Variants in CSNK2A2IP observed in about 807,000 individuals in gnomAD.
CSNK2A2IP encodes casein kinase II subunit alpha'-interacting protein.
At chr3:88,374,465 A>T in the CSNK2A2IP span, among the ~76,000 whole-genome samples, 1 of 151,676 alleles carries the variant, frequency 6.6e-6, no homozygotes. Flanking sequence ...GAGATCATCT[A>T]GGCAATAGGT....
At chr3:88,406,382 C>T in the CSNK2A2IP span, among the ~76,000 whole-genome samples, 13 of 152,246 alleles carry the variant, frequency 8.5e-5, no homozygotes, top group African/African-American at 2.6e-4. Flanking sequence ...GCATGGGCTA[C>T]GGGAAGCGCA....
chr3:88,364,669 G>A, the CSNK2A2IP span, among the ~76,000 whole-genome samples: 1 of 152,084 alleles, frequency 6.6e-6, no homozygotes, highest in Admixed American at 6.6e-5. Flanking sequence ...CCATAGAACA[G>A]TTGCTATTTT....
At chr3:88,392,385 A>C in the CSNK2A2IP span, among the ~76,000 whole-genome samples, 1 of 152,176 alleles carries the variant, frequency 6.6e-6, no homozygotes, top group Non-Finnish European at 1.5e-5. Flanking sequence ...GGAATTAGAT[A>C]TCTATAGGGA....
At chr3:88,435,381 G>C in the CSNK2A2IP span, among the ~76,000 whole-genome samples, 8,502 of 152,124 alleles carry the variant, frequency 0.056, 732 homozygotes, top group African/African-American at 0.19. Context: ...GTGGGCTTCT[G>C]AGAAAAATTT....
the CSNK2A2IP span, among the ~76,000 whole-genome samples, chr3:88,420,144 G>A: frequency 3.0e-4 from 45 of 152,184 alleles, no homozygotes; most frequent in East Asian, 7.5e-3. Flanking sequence ...GCTAAGGATC[G>A]GAATAGCTGG....
the CSNK2A2IP span, among the ~76,000 whole-genome samples, chr3:88,370,918 G>A: frequency 1.2e-4 from 18 of 151,588 alleles, no homozygotes; most frequent in African/African-American, 2.4e-4. Flanking sequence ...CTCCTTGCAC[G>A]CACATAGAGA....
At chr3:88,402,605 C>CT in the CSNK2A2IP span, among the ~76,000 whole-genome samples, 1 of 151,884 alleles carries the variant, frequency 6.6e-6, no homozygotes, top group African/African-American at 2.4e-5. Context: ...AAGGCAATCT[C>CT]TTAAGAATTT....
At chr3:88,445,590 AC>A in the CSNK2A2IP span, among the ~76,000 whole-genome samples, 3 of 152,044 alleles carry the variant, frequency 2.0e-5, no homozygotes, top group African/African-American at 7.2e-5. Flanking sequence ...ACAGAGTCTC[AC>A]TCTGTCATCC....
the CSNK2A2IP span, among the ~76,000 whole-genome samples, chr3:88,437,129 A>G: frequency 5.3e-5 from 8 of 152,186 alleles, no homozygotes; most frequent in East Asian, 1.3e-3. Flanking sequence ...TTATCAAGCC[A>G]TAACTGCTCT....
At chr3:88,424,808 G>GCT in the CSNK2A2IP span, among the ~76,000 whole-genome samples, 1 of 49,312 alleles carries the variant, frequency 2.0e-5, no homozygotes, top group Non-Finnish European at 6.1e-5. Context: ...CTTTAACAAA[G>GCT]CTTTTTTTTT....
At chr3:88,449,820 G>GACACACACACACACACACACACAC in the CSNK2A2IP span, among the ~76,000 whole-genome samples, 1 of 47,146 alleles carries the variant, frequency 2.1e-5, no homozygotes, top group East Asian at 6.7e-4. Context: ...TTTATATCGA[G>GACACACACACACACACACACACAC]ACACACACAC....
chr3:88,355,206 G>A, the CSNK2A2IP span, among the ~76,000 whole-genome samples: 3 of 152,158 alleles, frequency 2.0e-5, no homozygotes, highest in Non-Finnish European at 2.9e-5. Flanking sequence ...GAGAAAGGGT[G>A]ATGGTGGTGC....
chr3:88,430,104 G>A, the CSNK2A2IP span, among the ~76,000 whole-genome samples: 1 of 152,048 alleles, frequency 6.6e-6, no homozygotes, highest in Non-Finnish European at 1.5e-5. Flanking sequence ...ATAGGTGGCA[G>A]CTTGACATCT....
chr3:88,400,535 T>C, the CSNK2A2IP span, among the ~76,000 whole-genome samples: 1 of 152,218 alleles, frequency 6.6e-6, no homozygotes, highest in Non-Finnish European at 1.5e-5. Flanking sequence ...ATTATCATAG[T>C]GGACCTAATC....
At chr3:88,417,195 G>A in the CSNK2A2IP span, among the ~76,000 whole-genome samples, 1 of 151,930 alleles carries the variant, frequency 6.6e-6, no homozygotes, top group African/African-American at 2.4e-5. Flanking sequence ...AAATGGGAAG[G>A]CAATTTAGTT....
At chr3:88,449,818 G>GACACACACACAC in the CSNK2A2IP span, among the ~76,000 whole-genome samples, 1 of 61,784 alleles carries the variant, frequency 1.6e-5, no homozygotes, top group African/African-American at 7.5e-5. Context: ...TTTTTATATC[G>GACACACACACAC]AGACACACAC....
chr3:88,370,911 C>T, the CSNK2A2IP span, among the ~76,000 whole-genome samples: 10 of 151,622 alleles, frequency 6.6e-5, no homozygotes, highest in East Asian at 1.2e-3. Flanking sequence ...TCTCTTTCTC[C>T]TTGCACGCAC....
chr3:88,361,121 C>T, the CSNK2A2IP span, among the ~76,000 whole-genome samples: 2 of 152,058 alleles, frequency 1.3e-5, no homozygotes, highest in Non-Finnish European at 2.9e-5. Flanking sequence ...AGTTTTCATA[C>T]TAAATTTATG....
the CSNK2A2IP span, among the ~76,000 whole-genome samples, chr3:88,401,443 A>G: frequency 3.3e-5 from 5 of 152,124 alleles, no homozygotes; most frequent in Non-Finnish European, 7.4e-5. Flanking sequence ...AGTGTATGGT[A>G]TCTTATAGAA....
Sources: allele counts gnomAD v4.1 joint callset (sites outside exome capture counted in the v4.1 genomes callset), GRCh38; gene constraint gnomAD v4.1.1; transcripts MANE v1.5; gene names NCBI Gene and HGNC (gene_info 2026-07-23, HGNC 2026-07-21).